CLCC1: variants seen among roughly 807,000 people sequenced by gnomAD.
The protein encoded by CLCC1 is chloride channel CLIC-like protein 1.
Under a neutral mutation model 63.3 loss-of-function variants are expected in CLCC1, and 39 were observed. The ratio of observed to expected loss-of-function variants is 0.62; its 90% CI spans 0.48 to 0.81. The LOEUF (loss-of-function observed/expected upper bound fraction) is 0.81, where lower values mean the gene tolerates loss of function less well. Ranked by LOEUF, CLCC1 falls within the 30% of genes least tolerant of loss-of-function variation. CLCC1 has a pLI of 0.00. For missense variants in CLCC1, 549 were observed against 669.4 expected (o/e 0.82, Z 1.98); for synonymous variants, 217 against 239.8 (o/e 0.90, Z 0.88).
At chr1:108,954,309 A>G (rs839841) in intron 2 of CLCC1, among the ~76,000 whole-genome samples, 61,695 of 150,506 alleles carry the variant, frequency 0.41, 13,228 homozygotes, top group Admixed American at 0.44. Context: ...AACATGGTGA[A>G]ACCCAGTCTC....
rs571731098 is a variant in CLCC1, at chr1:108,939,560, A to C, written c.1041+76T>G. 1.2e-3 allele frequency: 1,607 copies of C among 1,336,542 alleles called. 7 individuals are homozygous for C. The highest frequency in any genetic ancestry group is 1.1e-3 in the Non-Finnish European group (1,057 of 973,420). 82.8% of individuals were successfully genotyped at this position (1,336,542 alleles called of 1,614,324 possible). ...TCCTGACCTCGTGATCCGCCCGCCT[A>C]GGCCTCCCAAAGTGCTGGGATTACA... On this transcript the variant is annotated intron_variant, in intron 10 of 12. Coordinates refer to ENST00000369969, the MANE Select transcript of CLCC1 (RefSeq NM_001377458.1).
rs1374973815 is a variant in CLCC1, at chr1:108,940,148, T to C, written c.797-6A>G. 3.2e-6 allele frequency: 5 copies of C among 1,547,372 alleles called. No individual in the cohort carries two copies. The African/African-American group carries it at 4.1e-5, about 13-fold the overall frequency. ...CCATGAACTTCTAAACCATTCTGTT[T>C]AGAGAAACAGACAAAACACTGATCA... is the stretch of plus-strand genomic sequence containing the variant. On this transcript the variant is annotated splice_polypyrimidine_tract_variant and splice_region_variant and intron_variant, in intron 8 of 12. Transcript: ENST00000369969.
At chr1:108,944,847 T>C (rs1455288289) in intron 5 of CLCC1, among the ~76,000 whole-genome samples, 2 of 152,174 alleles carry the variant, frequency 1.3e-5, no homozygotes, top group Admixed American at 6.5e-5. Context: ...GCCAGGATGG[T>C]CTCGATCTCC....
At position 108,931,062 on chromosome 1, in the gene CLCC1, G is replaced by GTATC. The variant is rs913433021; in HGVS notation, c.*1481_*1484dup. ...GCAAGACCCTGTCTCTAGAAAACAA[G>GTATC]TATCTTTTGTGTGTTTTGGGCTGTT... On this transcript the variant is annotated 3_prime_UTR_variant, in exon 13 of 13. Transcript: ENST00000369969. 3.1e-5 allele frequency: 8 copies of GTATC among 261,118 alleles called. No individual in the cohort carries two copies. In the East Asian group the frequency reaches 4.9e-4, roughly 16 times the overall value. 16.2% of individuals were successfully genotyped at this position (261,118 alleles called of 1,614,324 possible). A position where few individuals can be genotyped will look rare whatever the true frequency, so the allele number is the denominator to read the frequency against.
At chr1:108,946,092 C>T (rs1015554996) in intron 5 of CLCC1, among the ~76,000 whole-genome samples, 19 of 152,172 alleles carry the variant, frequency 1.2e-4, no homozygotes, top group African/African-American at 4.3e-4. Context: ...AGGCGGATCA[C>T]GAGGTCAGGA....
intron 1 of CLCC1, among the ~76,000 whole-genome samples, chr1:108,963,133 G>A (rs951809756): frequency 6.6e-6 from 1 of 152,182 alleles, no homozygotes; most frequent in Admixed American, 6.5e-5. Flanking sequence ...CACCTCCCCG[G>A]AACGCGCGCA....
chr1:108,934,490 T>C (rs780707313), intron 12 of CLCC1, 135 bp downstream of exon 12: 1 of 646,676 alleles, frequency 1.5e-6, no homozygotes, highest in South Asian at 2.3e-5. Context: ...CTTTTACATA[T>C]ATAACGTGTT....
chr1:108,960,842 A>G (rs1656533661), intron 2 of CLCC1, among the ~76,000 whole-genome samples: 1 of 152,046 alleles, frequency 6.6e-6, no homozygotes, highest in South Asian at 2.1e-4. Flanking sequence ...AAGCCTGTCA[A>G]GCAGTTGAGA....
chr1:108,963,079 TTGCCCTCGCTG>T (rs990105249), intron 1 of CLCC1, among the ~76,000 whole-genome samples: 8 of 152,224 alleles, frequency 5.3e-5, no homozygotes, highest in African/African-American at 1.9e-4. Context: ...AGGTCTCGCT[TTGCCCTCGCTG>T]TGCCTTCTCC....
rs1651998329 is a variant in CLCC1, at chr1:108,931,659, C to G, written c.*888G>C. ...AAAAAAAAAAGTTCTAAATTACAAC[C>G]TGGATTACATTATGTTTCATGTATA... On this transcript the variant is annotated 3_prime_UTR_variant, in exon 13 of 13. Transcript: ENST00000369969. 1.1e-6 allele frequency: 1 copy of G among 898,210 alleles called. No homozygotes were observed. Among genetic ancestry groups the G allele is most frequent in the East Asian group, 2.9e-5 (1 of 34,478 alleles). 55.6% of individuals were successfully genotyped at this position (898,210 alleles called of 1,614,324 possible). A position where few individuals can be genotyped will look rare whatever the true frequency, so the allele number is the denominator to read the frequency against.
At chr1:108,962,508 C>G (rs1240909983) in intron 1 of CLCC1, 39 bp from the exon 2 acceptor site, 1 of 152,090 alleles carries the variant, frequency 6.6e-6, no homozygotes, top group African/African-American at 2.4e-5. Flanking sequence ...ATAAAGAAAA[C>G]CTGAATTGTT....
rs531358143 is a variant in CLCC1 at position 108,959,229 on chromosome 1, T to A, written c.-12+3080A>T. 2.0e-5 allele frequency among the ~76,000 whole-genome samples: 3 copies of A among 152,118 alleles called. No individual in the cohort carries two copies. The East Asian group carries it at 5.8e-4, about 29-fold the overall frequency. ...ATTAGCCAGGTATGGTGGCACACACTTGTAATGCCAGCTACTTGAATGGCT... is the reference window on the plus strand; with the variant it reads ...ATTAGCCAGGTATGGTGGCACACACATGTAATGCCAGCTACTTGAATGGCT... On this transcript the variant is annotated intron_variant, in intron 2 of 12. Transcript: ENST00000369969.
chr1:108,931,085 G>GT lies in CLCC1; in HGVS notation c.*1461dup, dbSNP rs1651872386. 1 of 307,806 alleles carries GT rather than the reference G, an allele frequency of 3.2e-6. No homozygotes were observed. The highest frequency in any genetic ancestry group is 6.0e-6 in the Non-Finnish European group (1 of 166,666). The allele number at this position is 307,806 out of a possible 1,614,324, so 19.1% of individuals were successfully genotyped here. A position where few individuals can be genotyped will look rare whatever the true frequency, so the allele number is the denominator to read the frequency against. On this transcript the variant is annotated 3_prime_UTR_variant, in exon 13 of 13. Transcript: ENST00000369969. ...AAGTATCTTTTGTGTGTTTTGGGCT[G>GT]TTTAAAAAAATTATTTAAAATGGTC... is the stretch of plus-strand genomic sequence containing the variant.
At chr1:108,939,806 A>T (rs1205409817) in intron 9 of CLCC1, 24 bp from the exon 10 acceptor site, 2 of 1,609,692 alleles carry the variant, frequency 1.2e-6, no homozygotes, top group East Asian at 2.2e-5. Context: ...AAAGCAACTT[A>T]ATTTTCTCCT....
intron 2 of CLCC1, among the ~76,000 whole-genome samples, chr1:108,956,655 C>G (rs1468742344): frequency 9.6e-6 from 1 of 104,676 alleles, no homozygotes; most frequent in African/African-American, 4.4e-5. Context: ...AGCGAGACTC[C>G]GTCTCAAAAA....
chr1:108,936,050 A>G (rs575524357), intron 11 of CLCC1, among the ~76,000 whole-genome samples: 14 of 149,662 alleles, frequency 9.4e-5, no homozygotes, highest in African/African-American at 3.2e-4. Context: ...ACAGGTAATT[A>G]CTAACTATAA....
chr1:108,935,305 A>G (rs1318182595), intron 11 of CLCC1, among the ~76,000 whole-genome samples: 1 of 152,264 alleles, frequency 6.6e-6, no homozygotes, highest in Non-Finnish European at 1.5e-5. Flanking sequence ...CAGCAGGAAC[A>G]AAATACATAA....
At position 108,963,345 on chromosome 1, in the gene CLCC1, A is replaced by C; in HGVS notation, c.-173+16T>G. On this transcript the variant is annotated intron_variant, in intron 1 of 12. Transcript: ENST00000369969. ...GCCCCACCCGCCGCACAACACACCCAACTGCACGGACTCACGTCCGGGATC... is the reference window on the plus strand; with the variant it reads ...GCCCCACCCGCCGCACAACACACCCCACTGCACGGACTCACGTCCGGGATC... The C allele has an allele frequency of 1.4e-6, 1 of 699,344 alleles. No homozygotes were observed. The highest frequency in any genetic ancestry group is 2.6e-6 in the Non-Finnish European group (1 of 383,234). The allele number at this position is 699,344 out of a possible 1,614,324, so 43.3% of individuals were successfully genotyped here. A position where few individuals can be genotyped will look rare whatever the true frequency, so the allele number is the denominator to read the frequency against.
chr1:108,947,101 T>C (rs956088641), intron 5 of CLCC1, among the ~76,000 whole-genome samples: 1 of 151,608 alleles, frequency 6.6e-6, no homozygotes, highest in African/African-American at 2.4e-5. Flanking sequence ...GAGGCAGAGG[T>C]TGTAGTGAGC....
Sources: allele counts gnomAD v4.1 joint callset (sites outside exome capture counted in the v4.1 genomes callset), GRCh38; gene constraint gnomAD v4.1.1; transcripts MANE v1.5; gene names NCBI Gene and HGNC (gene_info 2026-07-23, HGNC 2026-07-21).